HDDC2: variants seen among roughly 807,000 people sequenced by gnomAD.
HDDC2 encodes HD domain containing 2, also known as 5'-deoxynucleotidase HDDC2.
In HDDC2, 25 loss-of-function variants were observed where a neutral mutation model predicts 25.5. The ratio of observed to expected loss-of-function variants is 0.98; its 90% confidence interval spans 0.72 to 1.37. The LOEUF is 1.37. HDDC2 is among the 40% of genes most tolerant of loss of function. The pLI is 0.00. For synonymous variants in HDDC2, 106 were observed against 89.7 expected (o/e 1.18, Z -1.03); for missense variants, 264 against 253.1 (o/e 1.04, Z -0.29).
chr6:125,277,037 A>T, intron 5 of HDDC2, 65 bp downstream of exon 5: 1 of 1,532,490 alleles, frequency 6.5e-7, no homozygotes, highest in Non-Finnish European at 9.0e-7. Flanking sequence ...CCTAATATTA[A>T]CATTAGTCAC....
At chr6:125,283,189 A>G (rs1025729997) in intron 4 of HDDC2, among the ~76,000 whole-genome samples, 3 of 152,234 alleles carry the variant, frequency 2.0e-5, no homozygotes, top group African/African-American at 4.8e-5. Flanking sequence ...GCTATTTATG[A>G]CAAACCCACA....
Position 125,277,193 on chromosome 6 carries a change from T to A in HDDC2, c.426A>T (p.Leu142=). 1 of 1,614,134 alleles carries A rather than the reference T, an allele frequency of 6.2e-7. No individual in the cohort carries two copies. The highest frequency in any genetic ancestry group is 8.5e-7 in the Non-Finnish European group (1 of 1,179,972). ...CTTGAAGAATCATTTCACATTGGTC[T>A]AGCTGCTTCACAAATTTGGCTTCTG... ...SSAEAKFVKQ[L]DQCEMILQAS... The change falls in exon 5 of 6, where the codon CTA becomes CTT. Residue 142 remains leucine (L), a synonymous_variant. Coordinates refer to ENST00000398153, the MANE Select transcript of HDDC2 (RefSeq NM_016063.3).
chr6:125,291,419 T>C (rs1028347819), intron 4 of HDDC2, among the ~76,000 whole-genome samples: 2 of 152,160 alleles, frequency 1.3e-5, no homozygotes, highest in Non-Finnish European at 2.9e-5. Flanking sequence ...ATGGTACATA[T>C]GGTGTACACT....
In HDDC2 at chr6:125,292,889, G is replaced by T. The variant is rs1798652248; in HGVS notation, c.330C>A (p.Thr110=). The T allele has an allele frequency of 1.2e-6, 2 of 1,612,746 alleles. No individual in the cohort carries two copies. Among genetic ancestry groups the T allele is most frequent in the Non-Finnish European group, 1.7e-6 (2 of 1,178,950 alleles). The part of the protein sequence containing the change: ...RREEEAMKQI[T]QLLPEDLRKE... ...TTCTGAGGTCCTCTGGTAGGAGCTG[G>T]GTTATCTGCTTCATAGCTTCCTGAA... The change falls in exon 4 of 6, where the codon ACC becomes ACA. Residue 110 remains threonine (T), a synonymous_variant. Coordinates refer to ENST00000398153, the MANE Select transcript of HDDC2 (RefSeq NM_016063.3).
intron 2 of HDDC2, among the ~76,000 whole-genome samples, chr6:125,299,433 G>C (rs987167): frequency 0.073 from 11,115 of 152,222 alleles, 1,065 homozygotes; most frequent in African/African-American, 0.22. Context: ...TGACACATGT[G>C]AATCATTCAA....
At position 125,300,537 on chromosome 6, in the gene HDDC2, C is replaced by T. The variant is rs111893403; in HGVS notation, c.206+1G>A. The T allele has an allele frequency of 6.2e-7, 1 of 1,613,268 alleles. No individual in the cohort carries two copies. The highest frequency in any genetic ancestry group is 8.5e-7 in the Non-Finnish European group (1 of 1,179,658). On this transcript the variant is annotated splice_donor_variant, in intron 2 of 5. Coordinates refer to ENST00000398153, the MANE Select transcript of HDDC2 (RefSeq NM_016063.3). LOFTEE classifies it high-confidence loss of function. The stretch of plus-strand genomic sequence containing the variant: ...GAGCATCAAAGTCCAGCTCAGCTTA[C>T]CGGTCTTTGTTAAGACGGTCATCTT...
chr6:125,280,630 T>C (rs2115101926), intron 4 of HDDC2, among the ~76,000 whole-genome samples: 1 of 152,344 alleles, frequency 6.6e-6, no homozygotes, highest in East Asian at 1.9e-4. Flanking sequence ...GCCCACCACA[T>C]CGCTGCAAAG....
chr6:125,294,949 T>C (rs1307431794), intron 3 of HDDC2, among the ~76,000 whole-genome samples: 1 of 152,270 alleles, frequency 6.6e-6, no homozygotes, highest in Non-Finnish European at 1.5e-5. Flanking sequence ...TTCCTGAAAC[T>C]GAACTATGAT....
At chr6:125,298,957 A>C (rs1798752677) in intron 2 of HDDC2, 141 bp from the exon 3 acceptor site, 1 of 571,200 alleles carries the variant, frequency 1.8e-6, no homozygotes. Context: ...TTTCTAAAGT[A>C]GTTATATTCT....
intron 4 of HDDC2, chr6:125,279,268 G>C (rs768874758): frequency 2.0e-5 from 3 of 152,180 alleles, no homozygotes; most frequent in Non-Finnish European, 4.4e-5. Flanking sequence ...CAGCCCTAGT[G>C]AATTTTCCAA....
At chr6:125,296,626 C>T (rs983349966) in intron 3 of HDDC2, among the ~76,000 whole-genome samples, 6 of 152,164 alleles carry the variant, frequency 3.9e-5, no homozygotes, top group African/African-American at 1.4e-4. Flanking sequence ...GGTTTCTTGT[C>T]CAAGAACTTG....
rs771868025 is a variant in HDDC2, at chr6:125,301,928, G to A, written c.5C>T (p.Ala2Val). 19 of 1,548,820 alleles carry A rather than the reference G, an allele frequency of 1.2e-5. No homozygotes were observed. The Admixed American group carries it at 3.7e-4, about 30-fold the overall frequency. Residue 2 changes from alanine (A) to valine (V), a missense_variant, in exon 1 of 6, where the codon GCT becomes GTT. By Grantham distance (64) the Ala-to-Val change is moderately conservative. Coordinates refer to ENST00000398153, the MANE Select transcript of HDDC2 (RefSeq NM_016063.3). Reference sequence around the variant, plus strand: ...CGAGAAGGTCGCAGAGGAGACCGAAGCCATGCGGCCACCGACCCCGGCTGG... The same window carrying A: ...CGAGAAGGTCGCAGAGGAGACCGAAACCATGCGGCCACCGACCCCGGCTGG... MASVSSATFSGH... is the reference protein window; with the variant it reads MVSVSSATFSGH...
At chr6:125,283,665 G>A (rs1439434821) in intron 4 of HDDC2, among the ~76,000 whole-genome samples, 1 of 152,052 alleles carries the variant, frequency 6.6e-6, no homozygotes, top group African/African-American at 2.4e-5. Context: ...GGAAATAAGA[G>A]GACACAAACA....
chr6:125,297,415 T>A (rs1798720463), intron 3 of HDDC2: 1 of 394,104 alleles, frequency 2.5e-6, no homozygotes, highest in African/African-American at 2.1e-5. Context: ...CTATTCCCCT[T>A]GTGCCTACAC....
At chr6:125,279,055 A>T (rs995510954) in intron 4 of HDDC2, 1 of 152,076 alleles carries the variant, frequency 6.6e-6, no homozygotes, top group Non-Finnish European at 1.5e-5. Flanking sequence ...GAGACAAACC[A>T]CCTCCAGCCA....
chr6:125,280,777 C>T (rs182905593), intron 4 of HDDC2, among the ~76,000 whole-genome samples: 151 of 152,328 alleles, frequency 9.9e-4, no homozygotes, highest in African/African-American at 3.5e-3. Flanking sequence ...GAAGGGGCAG[C>T]TGTGGGTGCA....
At chr6:125,277,351 G>GT in intron 4 of HDDC2, 111 bp from the exon 5 acceptor site, 1 of 982,052 alleles carries the variant, frequency 1.0e-6, no homozygotes, top group Admixed American at 2.2e-5. Flanking sequence ...AGTACATTCT[G>GT]TATCGGCCCC....
At chr6:125,298,898 TAATA>T in intron 2 of HDDC2, 82 bp from the exon 3 acceptor site, 2 of 836,276 alleles carry the variant, frequency 2.4e-6, no homozygotes, top group Non-Finnish European at 3.8e-6. Context: ...CAAAGTTATA[TAATA>T]TATATATTTT....
At chr6:125,288,326 T>G (rs543478173) in intron 4 of HDDC2, among the ~76,000 whole-genome samples, 1 of 152,170 alleles carries the variant, frequency 6.6e-6, no homozygotes, top group East Asian at 1.9e-4. Context: ...GATGGGGTGC[T>G]GGCAGCCCTG....
Sources: allele counts gnomAD v4.1 joint callset (sites outside exome capture counted in the v4.1 genomes callset), GRCh38; gene constraint gnomAD v4.1.1; transcripts MANE v1.5; gene names NCBI Gene and HGNC (gene_info 2026-07-23, HGNC 2026-07-21).